DLG2: variants seen among roughly 807,000 people sequenced by gnomAD.
DLG2 encodes discs large MAGUK scaffold protein 2.
In DLG2, 45 loss-of-function variants were observed where a neutral mutation model predicts 132.5. That is an observed-to-expected ratio of 0.34 (90% CI 0.27 to 0.44). The LOEUF is 0.44. DLG2 is among the 20% of genes least tolerant of loss of function. The pLI is 1.00. For synonymous variants in DLG2, 424 were observed against 419.6 expected (o/e 1.01, Z -0.13); for missense variants, 1,045 against 1,196.9 (o/e 0.87, Z 1.87).
chr11:84,732,868 C>T (rs1394669990), intron 6 of DLG2, among the ~76,000 whole-genome samples: 1 of 150,822 alleles, frequency 6.6e-6, no homozygotes, highest in Admixed American at 6.6e-5. Context: ...TCAATTCCCA[C>T]CTATGAGTGA....
At chr11:83,483,250 TACTC>T (rs762560045) in intron 22 of DLG2, 1 of 1,612,396 alleles carries the variant, frequency 6.2e-7, no homozygotes, top group Non-Finnish European at 8.5e-7. Context: ...CCTGGAAACT[TACTC>T]AGAGTCTTTG....
intron 15 of DLG2, among the ~76,000 whole-genome samples, chr11:83,878,476 TG>T (rs1404403608): frequency 5.9e-5 from 9 of 152,188 alleles, no homozygotes; most frequent in African/African-American, 2.2e-4. Context: ...GCTCTGTGAC[TG>T]GTCTATATAG....
intron 6 of DLG2, among the ~76,000 whole-genome samples, chr11:84,549,121 GA>G (rs2099396621): frequency 6.6e-6 from 1 of 152,198 alleles, no homozygotes; most frequent in Admixed American, 6.5e-5. Context: ...CTGGCTGAAG[GA>G]TGCAAAGGAA....
intron 6 of DLG2, among the ~76,000 whole-genome samples, chr11:85,008,410 CA>C (rs970021001): frequency 1.3e-5 from 2 of 151,880 alleles, no homozygotes; most frequent in Non-Finnish European, 2.9e-5. Context: ...TTTGTAAAAT[CA>C]AAGTTTGAAT....
At chr11:84,281,242 G>A (rs1255012850) in intron 7 of DLG2, among the ~76,000 whole-genome samples, 5 of 151,928 alleles carry the variant, frequency 3.3e-5, no homozygotes, top group African/African-American at 1.2e-4. Context: ...ATGACCTTGG[G>A]TTAGGTAGAA....
chr11:84,818,840 T>C (rs376209906), intron 6 of DLG2, among the ~76,000 whole-genome samples: 57 of 152,074 alleles, frequency 3.7e-4, no homozygotes, highest in African/African-American at 1.3e-3. Context: ...GCTAAGATCT[T>C]CAGCCTCTAA....
chr11:84,979,855 T>C (rs542795441), intron 6 of DLG2, among the ~76,000 whole-genome samples: 1 of 151,992 alleles, frequency 6.6e-6, no homozygotes, highest in African/African-American at 2.4e-5. Flanking sequence ...AACTAGGCTT[T>C]GTTATTGGGT....
chr11:84,438,817 A>G (rs2099009007), intron 7 of DLG2, among the ~76,000 whole-genome samples: 1 of 152,232 alleles, frequency 6.6e-6, no homozygotes, highest in South Asian at 2.1e-4. Flanking sequence ...ACTAGACTCA[A>G]TATAGTAAAT....
At chr11:83,880,915 C>T (rs765570147) in intron 15 of DLG2, among the ~76,000 whole-genome samples, 11 of 152,146 alleles carry the variant, frequency 7.2e-5, no homozygotes, top group Non-Finnish European at 2.9e-5. Flanking sequence ...AATAAACATT[C>T]ATAACACTTT....
intron 3 of DLG2, among the ~76,000 whole-genome samples, chr11:85,538,640 C>T (rs996816380): frequency 1.3e-5 from 2 of 151,890 alleles, no homozygotes; most frequent in African/African-American, 2.4e-5. Flanking sequence ...TACATATACA[C>T]CGTGGAATGC....
intron 19 of DLG2, chr11:83,631,899 C>A (rs951812672): frequency 1.3e-5 from 2 of 152,104 alleles, no homozygotes; most frequent in African/African-American, 4.8e-5. Context: ...CAATACAACA[C>A]AAGAGAGAAG....
chr11:85,354,113 C>T (rs1242828676), intron 3 of DLG2, among the ~76,000 whole-genome samples: 1 of 151,582 alleles, frequency 6.6e-6, no homozygotes, highest in Non-Finnish European at 1.5e-5. Flanking sequence ...TTTTCTATGC[C>T]TCATCTTTCG....
intron 3 of DLG2, among the ~76,000 whole-genome samples, chr11:85,364,035 G>C (rs1169821452): frequency 6.6e-6 from 1 of 152,272 alleles, no homozygotes; most frequent in Non-Finnish European, 1.5e-5. Flanking sequence ...AATTGTATTA[G>C]CAGTTGGTGC....
In DLG2 at chr11:83,862,663, C is replaced by CA. The variant is rs11370735; in HGVS notation, c.1565+11756dup. On this transcript the variant is annotated intron_variant, in intron 16 of 27. Transcript: ENST00000376104. Reference sequence around the variant, plus strand: ...TGAGGTGATAGATACTCCCCCACTCCAAAAAAAAAGAGTGGTGGCAGCAGC... The same window carrying CA: ...TGAGGTGATAGATACTCCCCCACTCCAAAAAAAAAAGAGTGGTGGCAGCAGC... 3.8e-3 allele frequency among the ~76,000 whole-genome samples: 572 copies of CA among 148,958 alleles called. 5 individuals are homozygous for CA. Among genetic ancestry groups the CA allele is most frequent in the African/African-American group, 0.013 (508 of 40,568 alleles).
chr11:84,506,169 G>A (rs11234053), intron 7 of DLG2, among the ~76,000 whole-genome samples: 14,834 of 146,888 alleles, frequency 0.1, 812 homozygotes, highest in South Asian at 0.19. Flanking sequence ...TCCGCCTCCC[G>A]GGTTCAAGCC....
In DLG2 at chr11:85,593,287, C is replaced by T. The variant is rs1591115925; in HGVS notation, c.40+5370G>A. On this transcript the variant is annotated intron_variant, in intron 3 of 27. Transcript: ENST00000376104. ...CACACACTGTTAATATATTACTTTCCCTGAATGGCCAAATACCTAACCATT... is the reference window on the plus strand; with the variant it reads ...CACACACTGTTAATATATTACTTTCTCTGAATGGCCAAATACCTAACCATT... Among the ~76,000 whole-genome samples the T allele has an allele frequency of 2.6e-5, 4 of 152,204 alleles. No individual in the cohort carries two copies. In the East Asian group the frequency reaches 7.7e-4, roughly 29 times the overall value.
chr11:84,037,664 G>C (rs1050745026), intron 11 of DLG2, among the ~76,000 whole-genome samples: 1 of 151,954 alleles, frequency 6.6e-6, no homozygotes, highest in African/African-American at 2.4e-5. Context: ...GGCTTATGGT[G>C]GTAGATACTA....
At chr11:85,288,990 C>T (rs560008810) in intron 3 of DLG2, among the ~76,000 whole-genome samples, 120 of 152,102 alleles carry the variant, frequency 7.9e-4, no homozygotes, top group African/African-American at 2.7e-3. Context: ...TAGAAAAACC[C>T]TAGGGACAAT....
chr11:85,048,094 G>C (rs966346375), intron 6 of DLG2, among the ~76,000 whole-genome samples: 1 of 151,764 alleles, frequency 6.6e-6, no homozygotes, highest in African/African-American at 2.4e-5. Context: ...TTGTTTTATA[G>C]AGCAATACCT....
Sources: gnomAD v4.1 joint callset for allele counts (sites outside exome capture counted in the v4.1 genomes callset) on GRCh38, gnomAD v4.1.1 for gene constraint, MANE v1.5 for transcripts, NCBI Gene and HGNC (gene_info 2026-07-23, HGNC 2026-07-21) for gene names.